Variants in MAN2B1 observed in about 807,000 individuals in gnomAD.
The protein encoded by MAN2B1 is mannosidase alpha class 2B member 1.
Under a neutral mutation model 127.5 loss-of-function variants are expected in MAN2B1, and 99 were observed. The observed-to-expected ratio is 0.78, with a 90% CI of 0.66 to 0.92. The LOEUF (loss-of-function observed/expected upper bound fraction) is 0.92. Ranked by LOEUF, MAN2B1 falls within the 40% of genes least tolerant of loss-of-function variation. MAN2B1 has a pLI of 0.00. For missense variants in MAN2B1, 1,304 were observed against 1,384.8 expected (o/e 0.94, Z 0.93); for synonymous variants, 573 against 568.8 (o/e 1.01, Z -0.11).
At position 12,659,630 on chromosome 19, in the gene MAN2B1, C is replaced by T. The variant is rs559167233; in HGVS notation, c.1027-1120G>A. Among the ~76,000 whole-genome samples the T allele has an allele frequency of 1.4e-4, 21 of 151,910 alleles. No homozygotes were observed. The East Asian group carries it at 3.9e-3, about 28-fold the overall frequency. On this transcript the variant is annotated intron_variant, in intron 7 of 23. Transcript: ENST00000456935. ...GTCAGGAGTTTTGAGACCAGCCTGG[C>T]CAACATAGTGAAACCCTGCCTCTAC... is the stretch of plus-strand genomic sequence containing the variant.
rs762355600 is a variant in MAN2B1, at chr19:12,646,704, C to T, written c.2952G>A (p.Gln984=). Residue 984 remains glutamine, a synonymous_variant, in exon 24 of 24, where the codon CAG becomes CAA. Transcript: ENST00000456935. ...CCAGCGTGATGTTGGCCGGGTCCAG[C>T]TGGTACGGAGTTTGGTGGGGTGTGG... is the stretch of plus-strand genomic sequence containing the variant. ...TGPTPHQTPY[Q]LDPANITLEP... The T allele has an allele frequency of 3.1e-6, 5 of 1,614,058 alleles. No homozygotes were observed. The South Asian group carries it at 5.5e-5, about 18-fold the overall frequency.
rs150234110 is a variant in MAN2B1, at chr19:12,653,950, C to T, written c.1831-1490G>A. ...GCCAGGCTGGTCTCAAACTCCTGACCTCAGGTGACCTGCCAGCCTCAGCCT... is the reference window on the plus strand; with the variant it reads ...GCCAGGCTGGTCTCAAACTCCTGACTTCAGGTGACCTGCCAGCCTCAGCCT... On this transcript the variant is annotated intron_variant, in intron 14 of 23. Transcript: ENST00000456935. Among the ~76,000 whole-genome samples the T allele has an allele frequency of 3.7e-3, 561 of 152,184 alleles. 2 individuals are homozygous for T. Among genetic ancestry groups the T allele is most frequent in the African/African-American group, 0.013 (542 of 41,530 alleles).
At position 12,653,395 on chromosome 19, in the gene MAN2B1, C is replaced by G. The variant is rs972255888; in HGVS notation, c.1831-935G>C. Among the ~76,000 whole-genome samples the G allele has an allele frequency of 7.9e-4, 120 of 151,824 alleles. 1 individual carries two copies. In the East Asian group the frequency reaches 0.022, roughly 28 times the overall value. On this transcript the variant is annotated intron_variant, in intron 14 of 23. Transcript: ENST00000456935. Reference sequence around the variant, plus strand: ...CTCCTGACCTCATGATCCACCCCCCCCTCAGCCTCCCAAAGTGCTGGGATT... The same window carrying G: ...CTCCTGACCTCATGATCCACCCCCCGCTCAGCCTCCCAAAGTGCTGGGATT...
intron 7 of MAN2B1, among the ~76,000 whole-genome samples, chr19:12,659,855 AAAAT>A (rs1412796814): frequency 3.9e-5 from 6 of 152,108 alleles, no homozygotes; most frequent in African/African-American, 7.2e-5. Context: ...TTAAAAAGAA[AAAAT>A]AAATAAAAAT....
chr19:12,651,174 GC>G (rs2023835370), intron 16 of MAN2B1, among the ~76,000 whole-genome samples: 1 of 152,088 alleles, frequency 6.6e-6, no homozygotes, highest in African/African-American at 2.4e-5. Flanking sequence ...GTTCACCATT[GC>G]CCCATAGAAT....
intron 7 of MAN2B1, chr19:12,658,929 T>C (rs1034329392): frequency 2.9e-5 from 9 of 308,660 alleles, no homozygotes; most frequent in African/African-American, 6.6e-5. Flanking sequence ...CAATCTCAGC[T>C]CACTGCAAGC....
Position 12,666,603 on chromosome 19 carries a change from C to A in MAN2B1, c.99G>T (p.Pro33=), listed in dbSNP as rs1485339125. The A allele has an allele frequency of 1.3e-6, 2 of 1,567,648 alleles. No individual in the cohort carries two copies. The highest frequency in any genetic ancestry group is 4.7e-5 in the East Asian group (2 of 42,506). ...GCAACAAAAGGAAAAAGCAGAGAGG[C>A]GGGAGCGGTGGCCGCAGGGCGCGGG... ...TMSRALRPPL[P]PLCFFLLLLA... is the part of the protein sequence containing the mutation. Residue 33 remains proline, a synonymous_variant, in exon 1 of 24, where the codon CCG becomes CCT. Coordinates refer to ENST00000456935, the MANE Select transcript of MAN2B1 (RefSeq NM_000528.4).
chr19:12,649,477 C>CTGTTTGTTTTTTTTTT (rs2023785721), intron 18 of MAN2B1, 49 bp from the exon 19 acceptor site: 1 of 323,656 alleles, frequency 3.1e-6, no homozygotes, highest in Non-Finnish European at 5.0e-6. Flanking sequence ...CTCCCCAACT[C>CTGTTTGTTTTTTTTTT]TTTTTTTTTT....
intron 14 of MAN2B1, among the ~76,000 whole-genome samples, chr19:12,653,625 T>C (rs1225772456): frequency 2.0e-5 from 3 of 151,962 alleles, no homozygotes; most frequent in Non-Finnish European, 4.4e-5. Context: ...TTTAAATTTG[T>C]TTTCTAGAGA....
chr19:12,650,221 G>A lies in MAN2B1; in HGVS notation c.2048C>T (p.Thr683Ile). 1 of 1,605,190 alleles carries A rather than the reference G, an allele frequency of 6.2e-7. No homozygotes were observed. Among genetic ancestry groups the A allele is most frequent in the South Asian group, 1.1e-5 (1 of 90,924 alleles). Residue 683 changes from threonine (T) to isoleucine (I), a missense_variant and splice_region_variant, in exon 17 of 24, where the codon ACA becomes ATA. Coordinates refer to ENST00000456935, the MANE Select transcript of MAN2B1 (RefSeq NM_000528.4). ...CTGGTGCACCTCCTGCACCAAGGGT[G>A]TCTGCGGGCACACGGGTGAGGTGGA... is the stretch of plus-strand genomic sequence containing the variant. ...SRWAQIHLVK[T>I]PLVQEVHQNF... is the part of the protein sequence containing the mutation.
At chr19:12,665,635 T>C (rs746990936) in intron 2 of MAN2B1, 68 bp downstream of exon 2, 12 of 1,586,568 alleles carry the variant, frequency 7.6e-6, no homozygotes, top group Admixed American at 5.0e-5. Flanking sequence ...CCCACCCTAA[T>C]GTCCAGGACC....
intron 10 of MAN2B1, 88 bp from the exon 11 acceptor site, chr19:12,657,643 G>A: frequency 8.7e-7 from 1 of 1,154,664 alleles, no homozygotes. Context: ...TGGCGGGCAG[G>A]ATTCTTAGAG....
chr19:12,661,622 C>A lies in MAN2B1; in HGVS notation c.910-246G>T, dbSNP rs149549523. On this transcript the variant is annotated intron_variant, in intron 6 of 23. Coordinates refer to ENST00000456935, the MANE Select transcript of MAN2B1 (RefSeq NM_000528.4). The stretch of plus-strand genomic sequence containing the variant: ...ATCTCTTGCCCAGCCTATGCTATCT[C>A]TTCTAATGAGGAATGCACATAAATC... 1.6e-3 allele frequency among the ~76,000 whole-genome samples: 236 copies of A among 152,238 alleles called. 1 individual carries two copies. Among genetic ancestry groups the A allele is most frequent in the African/African-American group, 5.3e-3 (220 of 41,528 alleles).
At chr19:12,663,149 G>A (rs2024147106) in intron 6 of MAN2B1, among the ~76,000 whole-genome samples, 168 bp downstream of exon 6, 1 of 151,798 alleles carries the variant, frequency 6.6e-6, no homozygotes, top group African/African-American at 2.4e-5. Flanking sequence ...AGGAGGCAGA[G>A]GTTGCAGTGA....
intron 6 of MAN2B1, among the ~76,000 whole-genome samples, chr19:12,661,608 A>C (rs1453000165): frequency 6.6e-6 from 1 of 152,192 alleles, no homozygotes; most frequent in Non-Finnish European, 1.5e-5. Context: ...TCTCTTGCCC[A>C]GCCTATGCTA....
Position 12,652,185 on chromosome 19 carries a change from C to G in MAN2B1, c.2014G>C (p.Val672Leu). 6.2e-7 allele frequency: 1 copy of G among 1,614,160 alleles called. No individual in the cohort carries two copies. Among genetic ancestry groups the G allele is most frequent in the Middle Eastern group, 1.6e-4 (1 of 6,062 alleles). ...FRPNQQKPLP[V>L]SRWAQIHLVK... Reference sequence around the variant, plus strand: ...AGGTGGATCTGAGCCCAGCGGCTCACAGGCAGCGGTTTCTGTTGGTTGGGT... The same window carrying G: ...AGGTGGATCTGAGCCCAGCGGCTCAGAGGCAGCGGTTTCTGTTGGTTGGGT... The change falls in exon 16 of 24, where the codon GTG becomes CTG. Residue 672 changes from valine (V) to leucine (L), a missense_variant. Val to Leu is a conservative substitution (Grantham distance 32). Transcript: ENST00000456935.
intron 16 of MAN2B1, 83 bp downstream of exon 16, chr19:12,652,070 C>T (rs2023849989): frequency 3.0e-6 from 3 of 1,008,414 alleles, no homozygotes; most frequent in Non-Finnish European, 4.8e-6. Flanking sequence ...CCCCTACCCT[C>T]ACTCTACACA....
chr19:12,662,091 C>T (rs1326408098), intron 6 of MAN2B1, among the ~76,000 whole-genome samples: 3 of 152,102 alleles, frequency 2.0e-5, no homozygotes, highest in Non-Finnish European at 4.4e-5. Flanking sequence ...ATGATCTGCC[C>T]ATCTCGGCCT....
rs1234164131 is a variant in MAN2B1 at position 12,648,326 on chromosome 19, A to G, written c.2513T>C (p.Val838Ala). 6.2e-7 allele frequency: 1 copy of G among 1,613,522 alleles called. No homozygotes were observed. Among genetic ancestry groups the G allele is most frequent in the South Asian group, 1.1e-5 (1 of 91,050 alleles). The change falls in exon 21 of 24, where the codon GTG (valine) becomes GCG (alanine). Residue 838 changes from valine (V) to alanine (A), a missense_variant. Coordinates refer to ENST00000456935, the MANE Select transcript of MAN2B1 (RefSeq NM_000528.4). ...CAGCAGCACCAGGTGGCGCCCTCGC[A>G]CCCACGCCCCCGACCCGTTCTCCAT... is the stretch of plus-strand genomic sequence containing the variant. ...PLMENGSGAW[V>A]RGRHLVLLDT...
Sources: allele counts gnomAD v4.1 joint callset (sites outside exome capture counted in the v4.1 genomes callset), GRCh38; gene constraint gnomAD v4.1.1; transcripts MANE v1.5; gene names NCBI Gene and HGNC (gene_info 2026-07-23, HGNC 2026-07-21).